The following PDE1A variants were observed in gnomAD, a reference collection of about 807,000 sequenced individuals.
PDE1A encodes the protein dual specificity calcium/calmodulin-dependent 3',5'-cyclic nucleotide phosphodiesterase 1A.
A neutral mutation model predicts 61.7 loss-of-function variants in PDE1A; 35 were observed. That is an observed-to-expected ratio of 0.57 (90% CI 0.43 to 0.75). PDE1A has a LOEUF of 0.75. Among genes scored for constraint, PDE1A ranks in the 30% least tolerant of loss-of-function variants. The pLI is 0.00. For synonymous variants in PDE1A, 232 were observed against 213.2 expected (o/e 1.09, Z -0.77); for missense variants, 597 against 630.6 (o/e 0.95, Z 0.57).
At chr2:182,611,618 A>C in the PDE1A span, among the ~76,000 whole-genome samples, 1 of 152,174 alleles carries the variant, frequency 6.6e-6, no homozygotes, top group Admixed American at 6.5e-5. Context: ...ACGACCTAAA[A>C]TAATCCCAGA....
At chr2:182,230,104 C>A in exon 6 of PDE1A, 1 of 1,612,816 alleles carries the variant, frequency 6.2e-7, no homozygotes. Context: ...CTGTAACCAA[C>A]TTCTAAAGCT....
At chr2:182,578,217 T>A in the PDE1A span, among the ~76,000 whole-genome samples, 5 of 152,122 alleles carry the variant, frequency 3.3e-5, no homozygotes. Context: ...TTCTACTCTT[T>A]GGCAGGAAGC....
intron 11 of PDE1A, among the ~76,000 whole-genome samples, chr2:182,187,726 CT>C (rs1335861517): frequency 3.5e-5 from 4 of 115,922 alleles, no homozygotes; most frequent in East Asian, 2.4e-4. Context: ...GTTCTATGTT[CT>C]TTTTTTGTTC....
intron 2 of PDE1A, among the ~76,000 whole-genome samples, chr2:182,503,288 T>C (rs1017829101): frequency 6.6e-6 from 1 of 152,162 alleles, no homozygotes; most frequent in Non-Finnish European, 1.5e-5. Flanking sequence ...AATTTTGTCC[T>C]TCCTTGCCTC....
chr2:182,586,349 A>T, the PDE1A span, among the ~76,000 whole-genome samples: 1 of 152,160 alleles, frequency 6.6e-6, no homozygotes, highest in Admixed American at 6.5e-5. Context: ...TACTCAGCCC[A>T]CTATGCAGAC....
At chr2:182,667,414 T>C in the PDE1A span, among the ~76,000 whole-genome samples, 2 of 152,220 alleles carry the variant, frequency 1.3e-5, no homozygotes, top group Non-Finnish European at 2.9e-5. Context: ...CCCATCACAA[T>C]GGTGGTATTT....
rs145735527 is a variant in PDE1A at position 182,377,342 on chromosome 2, T to C, written c.53+49236A>G. ...TTCTCCTGCTCCTGCTCTCGCCATATAACATGCCTGCTCCTGCTTTACCTT... is the reference window on the plus strand; with the variant it reads ...TTCTCCTGCTCCTGCTCTCGCCATACAACATGCCTGCTCCTGCTTTACCTT... On this transcript the variant is annotated intron_variant, in intron 1 of 13. Transcript: ENST00000351439. Among the ~76,000 whole-genome samples, 448 of 152,274 alleles carry C rather than the reference T, an allele frequency of 2.9e-3. 2 individuals carry two copies. The highest frequency in any genetic ancestry group is 0.017 in the Middle Eastern group (5 of 294).
chr2:182,468,007 A>G (rs1172857023), intron 2 of PDE1A, among the ~76,000 whole-genome samples: 4 of 152,060 alleles, frequency 2.6e-5, no homozygotes, highest in South Asian at 2.1e-4. Context: ...TATTGCTAAA[A>G]CATACTAACG....
intron 2 of PDE1A, among the ~76,000 whole-genome samples, chr2:182,240,857 G>A (rs1019474385): frequency 6.6e-6 from 1 of 151,828 alleles, no homozygotes; most frequent in African/African-American, 2.4e-5. Flanking sequence ...TGCTCCCAAC[G>A]ATATCCATTC....
intron 1 of PDE1A, among the ~76,000 whole-genome samples, chr2:182,337,939 T>C (rs1460122781): frequency 6.6e-6 from 1 of 152,176 alleles, no homozygotes; most frequent in Non-Finnish European, 1.5e-5. Flanking sequence ...TACCTGTCAT[T>C]TGATGTTCCA....
chr2:182,394,811 A>G (rs1364194354), intron 1 of PDE1A, among the ~76,000 whole-genome samples: 1 of 152,220 alleles, frequency 6.6e-6, no homozygotes, highest in Non-Finnish European at 1.5e-5. Context: ...GGTGAGGGCT[A>G]CTATGATGGA....
At chr2:182,637,467 A>G in the PDE1A span, among the ~76,000 whole-genome samples, 4 of 152,204 alleles carry the variant, frequency 2.6e-5, no homozygotes, top group Non-Finnish European at 5.9e-5. Flanking sequence ...ATATTCCTCA[A>G]GTTGTCAAAA....
chr2:182,144,614 G>C (rs1292492963), downstream of PDE1A, among the ~76,000 whole-genome samples: 1 of 152,140 alleles, frequency 6.6e-6, no homozygotes, highest in East Asian at 1.9e-4. Flanking sequence ...TACACATTGA[G>C]AACAAAGCAG....
downstream of PDE1A, among the ~76,000 whole-genome samples, chr2:182,164,322 G>A (rs1691539251): frequency 1.3e-5 from 2 of 152,110 alleles, no homozygotes; most frequent in African/African-American, 4.8e-5. Flanking sequence ...TCAGTTGACA[G>A]AGGACAAGAA....
the PDE1A span, among the ~76,000 whole-genome samples, chr2:182,713,357 C>A: frequency 6.6e-6 from 1 of 152,180 alleles, no homozygotes; most frequent in Non-Finnish European, 1.5e-5. Flanking sequence ...GAACAGTAGA[C>A]TACTTTAATT....
intron 1 of PDE1A, among the ~76,000 whole-genome samples, chr2:182,372,219 T>C (rs755967934): frequency 1.3e-5 from 2 of 152,266 alleles, no homozygotes; most frequent in Non-Finnish European, 2.9e-5. Flanking sequence ...TATATAACTC[T>C]TGTATTTATA....
At chr2:182,387,612 C>T (rs1455712863) in intron 1 of PDE1A, among the ~76,000 whole-genome samples, 2 of 151,762 alleles carry the variant, frequency 1.3e-5, no homozygotes, top group East Asian at 3.9e-4. Flanking sequence ...ACAAAATTAG[C>T]CAGGTGTGGT....
At chr2:182,631,733 C>T in the PDE1A span, among the ~76,000 whole-genome samples, 3 of 152,298 alleles carry the variant, frequency 2.0e-5, no homozygotes, top group East Asian at 5.8e-4. Flanking sequence ...CAAATAAATG[C>T]TTTTGTCACA....
chr2:182,647,447 T>G, the PDE1A span, among the ~76,000 whole-genome samples: 1 of 152,320 alleles, frequency 6.6e-6, no homozygotes, highest in East Asian at 1.9e-4. Context: ...ATTTTTCCTA[T>G]GGTATCTTTA....
Sources: gnomAD v4.1 joint callset for allele counts (sites outside exome capture counted in the v4.1 genomes callset) on GRCh38, gnomAD v4.1.1 for gene constraint, MANE v1.5 for transcripts, NCBI Gene and HGNC (gene_info 2026-07-23, HGNC 2026-07-21) for gene names.